Variants in PDZRN3 observed in about 807,000 individuals in gnomAD.
PDZRN3 encodes the protein PDZ domain containing ring finger 3, also known as E3 ubiquitin-protein ligase PDZRN3.
PDZRN3 carries 38 observed loss-of-function variants against 85.7 expected under a neutral mutation model. That is an observed-to-expected ratio of 0.44 (90% CI 0.34 to 0.58). PDZRN3 has a LOEUF of 0.58. Ranked by LOEUF, PDZRN3 falls within the 20% of genes least tolerant of loss-of-function variation. The pLI is 0.01. For synonymous variants in PDZRN3, 759 were observed against 638.0 expected (o/e 1.19, Z -2.86); for missense variants, 1,629 against 1,506.4 (o/e 1.08, Z -1.35).
intron 7 of PDZRN3, among the ~76,000 whole-genome samples, chr3:73,389,288 G>A (rs576117685): frequency 7.2e-5 from 11 of 152,254 alleles, no homozygotes; most frequent in Admixed American, 2.6e-4. Context: ...AACAGGGCTC[G>A]AGGTCAAGTA....
chr3:73,454,955 T>C (rs1454552683), intron 3 of PDZRN3, among the ~76,000 whole-genome samples: 2 of 152,156 alleles, frequency 1.3e-5, no homozygotes, highest in Non-Finnish European at 2.9e-5. Flanking sequence ...AATGTCTTGA[T>C]TTTCTACACT....
At chr3:73,546,501 T>C (rs1330992458) in intron 3 of PDZRN3, among the ~76,000 whole-genome samples, 1 of 152,222 alleles carries the variant, frequency 6.6e-6, no homozygotes, top group African/African-American at 2.4e-5. Flanking sequence ...AAGCCCAGCA[T>C]ACTTGTGCCA....
In PDZRN3 at chr3:73,383,528, T is replaced by C. The variant is rs898571495; in HGVS notation, c.3038A>G (p.Lys1013Arg). 1 of 1,614,224 alleles carries C rather than the reference T, an allele frequency of 6.2e-7. No homozygotes were observed. The highest frequency in any genetic ancestry group is 8.5e-7 in the Non-Finnish European group (1 of 1,180,026). Residue 1013 changes from lysine to arginine, a missense_variant, in exon 10 of 10, where the codon AAG becomes AGG. Lys to Arg is a conservative substitution (Grantham distance 26). Transcript: ENST00000263666. ...LKEQQAADDRKEMNILELSHK... is the reference protein window; with the variant it reads ...LKEQQAADDRREMNILELSHK... ...GCTCAGTTCGAGAATGTTCATCTCCTTCCTGTCATCGGCTGCTTGCTGCTC... is the reference window on the plus strand; with the variant it reads ...GCTCAGTTCGAGAATGTTCATCTCCCTCCTGTCATCGGCTGCTTGCTGCTC...
intron 3 of PDZRN3, among the ~76,000 whole-genome samples, chr3:73,547,111 G>A (rs1701441296): frequency 6.6e-6 from 1 of 152,118 alleles, no homozygotes; most frequent in Non-Finnish European, 1.5e-5. Context: ...GCCCAAGTAA[G>A]GAATACTAAG....
chr3:73,537,992 C>T (rs913403622), intron 3 of PDZRN3, among the ~76,000 whole-genome samples: 2 of 152,110 alleles, frequency 1.3e-5, no homozygotes, highest in Admixed American at 1.3e-4. Context: ...AATATCAGCA[C>T]CCAGTTTAAT....
At chr3:73,403,310 A>C (rs1701791792) in intron 4 of PDZRN3, among the ~76,000 whole-genome samples, 1 of 152,136 alleles carries the variant, frequency 6.6e-6, no homozygotes, top group Non-Finnish European at 1.5e-5. Context: ...CTATCACAGA[A>C]AGTGTCTTGC....
chr3:73,388,409 A>G (rs1701445525), intron 7 of PDZRN3, among the ~76,000 whole-genome samples: 1 of 152,214 alleles, frequency 6.6e-6, no homozygotes, highest in Non-Finnish European at 1.5e-5. Flanking sequence ...TAGACATAAT[A>G]TTCAGGCAGG....
Position 73,577,744 on chromosome 3 carries a change from TTCCACTCC to T in PDZRN3, c.918+24602_918+24609del, listed in dbSNP as rs554690729. ...CTTTCTTCTAGGTTCTGGTACCTCC[TTCCACTCC>T]TGCCCTTCAAGCCAAAGGCCGGTCA... On this transcript the variant is annotated intron_variant, in intron 3 of 9. Coordinates refer to ENST00000263666, the MANE Select transcript of PDZRN3 (RefSeq NM_015009.3). Among the ~76,000 whole-genome samples, 302 of 152,328 alleles carry T rather than the reference TTCCACTCC, an allele frequency of 2.0e-3. 3 individuals are homozygous for T. Among genetic ancestry groups the T allele is most frequent in the African/African-American group, 6.8e-3 (283 of 41,588 alleles).
intron 3 of PDZRN3, among the ~76,000 whole-genome samples, chr3:73,508,066 G>C (rs1704098951): frequency 6.6e-6 from 1 of 152,020 alleles, no homozygotes; most frequent in South Asian, 2.1e-4. Context: ...TTGCACTCCA[G>C]CCTGGGTGAC....
Position 73,389,038 on chromosome 3 carries a change from A to AG in PDZRN3, c.1416+777dup, listed in dbSNP as rs532181386. On this transcript the variant is annotated intron_variant, in intron 7 of 9. Coordinates refer to ENST00000263666, the MANE Select transcript of PDZRN3 (RefSeq NM_015009.3). ...TAGGGCAAGCGATCCTGAGCAGCAC[A>AG]GGTTCTGGCTGAAGGCTAGAGAAAC... is the stretch of plus-strand genomic sequence containing the variant. 6.6e-5 allele frequency among the ~76,000 whole-genome samples: 10 copies of AG among 151,936 alleles called. No individual in the cohort carries two copies. In the South Asian group the frequency reaches 2.1e-3, roughly 32 times the overall value.
chr3:73,459,204 G>T (rs974064427), intron 3 of PDZRN3, among the ~76,000 whole-genome samples: 2 of 152,080 alleles, frequency 1.3e-5, no homozygotes, highest in South Asian at 4.2e-4. Context: ...CATAAGAACA[G>T]TACTGGGGAA....
At chr3:73,587,292 T>C (rs1003517751) in intron 3 of PDZRN3, among the ~76,000 whole-genome samples, 25 of 152,318 alleles carry the variant, frequency 1.6e-4, no homozygotes, top group Admixed American at 7.8e-4. Context: ...TTTTTATACA[T>C]ACATCCCAGG....
At chr3:73,559,089 C>A (rs1305583952) in intron 3 of PDZRN3, among the ~76,000 whole-genome samples, 2 of 152,202 alleles carry the variant, frequency 1.3e-5, no homozygotes, top group African/African-American at 2.4e-5. Context: ...GCAACTGGAA[C>A]ACACAGGCAG....
intron 3 of PDZRN3, among the ~76,000 whole-genome samples, chr3:73,440,527 T>A (rs1258669157): frequency 6.6e-6 from 1 of 152,110 alleles, no homozygotes; most frequent in Admixed American, 6.5e-5. Context: ...GGACGCCCCG[T>A]GAGACACCTT....
At chr3:73,397,034 CTTTCTTTTTTTTT>C (rs1268812471) in intron 5 of PDZRN3, among the ~76,000 whole-genome samples, 3 of 139,254 alleles carry the variant, frequency 2.2e-5, no homozygotes, top group African/African-American at 7.6e-5. Flanking sequence ...TCTTCTTTTT[CTTTCTTTTTTTTT>C]TTTTGAGACA....
chr3:73,521,642 C>T (rs113009896), intron 3 of PDZRN3, among the ~76,000 whole-genome samples: 69 of 152,134 alleles, frequency 4.5e-4, no homozygotes, highest in African/African-American at 1.6e-3. Context: ...GCACACTCTG[C>T]TGTAAGTCTA....
At chr3:73,615,769 G>C (rs1702752930) in intron 1 of PDZRN3, among the ~76,000 whole-genome samples, 1 of 152,178 alleles carries the variant, frequency 6.6e-6, no homozygotes, top group South Asian at 2.1e-4. Context: ...CACTAAGACA[G>C]AGTGGTTTCT....
At position 73,481,609 on chromosome 3, in the gene PDZRN3, C is replaced by T. The variant is rs113799890; in HGVS notation, c.919-77214G>A. On this transcript the variant is annotated intron_variant, in intron 3 of 9. Transcript: ENST00000263666. ...CCTCCCAAAGTGCTGGGATTACAGG[C>T]GTAAGCCACCACACCTGGCCTGAGG... 6.1e-3 allele frequency among the ~76,000 whole-genome samples: 928 copies of T among 151,804 alleles called. 13 individuals carry two copies. Among genetic ancestry groups the T allele is most frequent in the African/African-American group, 0.021 (882 of 41,398 alleles).
At chr3:73,542,067 T>C (rs1371346054) in intron 3 of PDZRN3, among the ~76,000 whole-genome samples, 1 of 152,144 alleles carries the variant, frequency 6.6e-6, no homozygotes, top group African/African-American at 2.4e-5. Context: ...AAGAATAACC[T>C]GGAGTTTTTC....
Sources: allele counts gnomAD v4.1 joint callset (sites outside exome capture counted in the v4.1 genomes callset), GRCh38; gene constraint gnomAD v4.1.1; transcripts MANE v1.5; gene names NCBI Gene and HGNC (gene_info 2026-07-23, HGNC 2026-07-21).